Variants in RBM18 observed in about 807,000 individuals in gnomAD.
The protein encoded by RBM18 is probable RNA-binding protein 18.
In RBM18, 18 loss-of-function variants were observed where a neutral mutation model predicts 26.4. The ratio of observed to expected loss-of-function variants is 0.68; its 90% CI spans 0.47 to 1.01. The LOEUF is 1.01. Among genes scored for constraint, RBM18 ranks in the 50% least tolerant of loss-of-function variants. The pLI, the probability that RBM18 is intolerant of heterozygous loss-of-function variation, is 0.00. For synonymous variants in RBM18, 74 were observed against 81.1 expected, an observed-to-expected ratio of 0.91 and a Z score of 0.47; for missense variants, 180 against 219.2, an observed-to-expected ratio of 0.82 and a Z score of 1.13.
At position 122,261,454 on chromosome 9, in the gene RBM18, T is replaced by C. The variant is rs1252552951; in HGVS notation, c.39A>G (p.Ala13=). 2 of 1,614,062 alleles carry C rather than the reference T, an allele frequency of 1.2e-6. No homozygotes were observed. Among genetic ancestry groups the C allele is most frequent in the African/African-American group, 2.7e-5 (2 of 74,924 alleles). The change falls in exon 2 of 6, where the codon GCA becomes GCG. Residue 13 remains alanine, a synonymous_variant. Coordinates refer to ENST00000417201, the MANE Select transcript of RBM18 (RefSeq NM_033117.4). The stretch of plus-strand genomic sequence containing the variant: ...GCAGAGAGCCCTCTGAAAGGATGGA[T>C]GCATTCTCCAGGGGAAGAGTTTTGG... The part of the protein sequence containing the change: ...AETKTLPLEN[A]SILSEGSLQE...
At chr9:122,255,199 CT>C (rs1831671387) in intron 2 of RBM18, among the ~76,000 whole-genome samples, 1 of 152,024 alleles carries the variant, frequency 6.6e-6, no homozygotes, top group Non-Finnish European at 1.5e-5. Flanking sequence ...TGAGATGGGT[CT>C]TTATGTTTTA....
intron 2 of RBM18, 110 bp downstream of exon 2, chr9:122,261,270 T>C (rs1831789042): frequency 1.1e-5 from 8 of 725,484 alleles, no homozygotes; most frequent in Middle Eastern, 2.6e-4. Flanking sequence ...AGACACGATG[T>C]AAGTAAAAGG....
intron 1 of RBM18, chr9:122,264,511 G>C (rs553578989): frequency 1.6e-4 from 24 of 152,370 alleles, no homozygotes; most frequent in African/African-American, 5.5e-4. Flanking sequence ...GCAAGCGGTG[G>C]GGTCATGCCT....
At chr9:122,263,137 C>G (rs1430402067) in intron 1 of RBM18, among the ~76,000 whole-genome samples, 1 of 152,170 alleles carries the variant, frequency 6.6e-6, no homozygotes, top group African/African-American at 2.4e-5. Flanking sequence ...GCAGTCACAA[C>G]AACTGCCATT....
intron 2 of RBM18, among the ~76,000 whole-genome samples, chr9:122,257,684 T>C (rs998874727): frequency 1.3e-5 from 2 of 152,236 alleles, no homozygotes; most frequent in African/African-American, 4.8e-5. Context: ...AAAATTGTCA[T>C]TGTTTTACAT....
chr9:122,255,834 C>T (rs556376000), intron 2 of RBM18, among the ~76,000 whole-genome samples: 11 of 152,166 alleles, frequency 7.2e-5, no homozygotes, highest in East Asian at 1.9e-4. Context: ...AGTGAGACCT[C>T]GTCTCTACAA....
At chr9:122,262,881 A>C (rs1282145945) in intron 1 of RBM18, among the ~76,000 whole-genome samples, 1 of 152,178 alleles carries the variant, frequency 6.6e-6, no homozygotes, top group Admixed American at 6.5e-5. Flanking sequence ...CACCATGCCC[A>C]GCACAAACTG....
intron 1 of RBM18, among the ~76,000 whole-genome samples, chr9:122,262,552 A>G (rs1208143793): frequency 2.0e-5 from 3 of 151,984 alleles, no homozygotes; most frequent in Admixed American, 2.0e-4. Flanking sequence ...GTGTCAGAAG[A>G]CATTGTTTCA....
rs908702225 is a variant in RBM18 at position 122,262,653 on chromosome 9, G to T, written c.-16-1145C>A. Among the ~76,000 whole-genome samples the T allele has an allele frequency of 4.6e-5, 7 of 152,088 alleles. No homozygotes were observed. In the East Asian group the frequency reaches 1.4e-3, roughly 29 times the overall value. ...GACTCATGGGCGGTGGCACGATCTC[G>T]GCTCACTACAACTTCCACTTCCCGG... On this transcript the variant is annotated intron_variant, in intron 1 of 5. Coordinates refer to ENST00000417201, the MANE Select transcript of RBM18 (RefSeq NM_033117.4).
chr9:122,249,658 G>A (rs1446530859), intron 3 of RBM18, among the ~76,000 whole-genome samples: 1 of 151,662 alleles, frequency 6.6e-6, no homozygotes, highest in African/African-American at 2.4e-5. Context: ...GCACTAAGCT[G>A]TGATCGTGCC....
chr9:122,251,859 A>T lies in RBM18; in HGVS notation c.228T>A (p.Phe76Leu). The T allele has an allele frequency of 6.2e-7, 1 of 1,614,076 alleles. No homozygotes were observed. The highest frequency in any genetic ancestry group is 8.5e-7 in the Non-Finnish European group (1 of 1,179,932). ...AAAGCTTAATTACCTGCTTAGTTTC[A>T]AAGTTAACAAAACAGTAGCCTCGAG... ...GQPRGYCFVN[F>L]ETKQEAEQAI... Residue 76 changes from phenylalanine to leucine, a missense_variant, in exon 3 of 6, where the codon TTT (phenylalanine) becomes TTA (leucine). By Grantham distance (22) the Phe-to-Leu change is conservative. This residue lies in a region of RBM18 where 28 missense variants were observed against 59.9 expected (regional missense o/e 0.47). Transcript: ENST00000417201.
rs775103533 is a variant in RBM18 at position 122,241,839 on chromosome 9, GT to G, written c.*44del. 1.3e-6 allele frequency: 2 copies of G among 1,576,494 alleles called. No individual in the cohort carries two copies. The highest frequency in any genetic ancestry group is 2.7e-5 in the African/African-American group (2 of 73,774). On this transcript the variant is annotated 3_prime_UTR_variant, in exon 6 of 6. Transcript: ENST00000417201. ...AAAGTACACAGGCAGACGATTTTAGGTGTGGAGACCAATTTGCTTTTGCTGC... is the reference window on the plus strand; with the variant it reads ...AAAGTACACAGGCAGACGATTTTAGGGTGGAGACCAATTTGCTTTTGCTGC...
At chr9:122,246,602 A>G (rs1831509506) in intron 4 of RBM18, among the ~76,000 whole-genome samples, 1 of 152,230 alleles carries the variant, frequency 6.6e-6, no homozygotes, top group South Asian at 2.1e-4. Context: ...CTCTGTGATT[A>G]CCTGAAATAC....
intron 3 of RBM18, among the ~76,000 whole-genome samples, chr9:122,248,127 G>GGCA (rs1831536537): frequency 6.6e-6 from 1 of 152,046 alleles, no homozygotes. Context: ...TTCAAATCCT[G>GGCA]GTCTGCCATT....
intron 3 of RBM18, among the ~76,000 whole-genome samples, chr9:122,251,103 G>C (rs1214970186): frequency 1.3e-5 from 2 of 151,822 alleles, no homozygotes. Context: ...ATTTTTTTTA[G>C]AGACAGGGTC....
At chr9:122,243,779 C>T in intron 5 of RBM18, 1 of 985,304 alleles carries the variant, frequency 1.0e-6, no homozygotes, top group Non-Finnish European at 1.2e-6. Flanking sequence ...ATTAATGCCA[C>T]AGCTGGTCAC....
In RBM18 at chr9:122,261,232, A is replaced by G. The variant is rs1027307622; in HGVS notation, c.113+148T>C. ...CAAATGTAAAAAAAGTGACAAGATA[A>G]CAGGCTAACAACATCTTATCTCTCC... is the stretch of plus-strand genomic sequence containing the variant. On this transcript the variant is annotated intron_variant, in intron 2 of 5. Coordinates refer to ENST00000417201, the MANE Select transcript of RBM18 (RefSeq NM_033117.4). 9.6e-6 allele frequency: 6 copies of G among 625,426 alleles called. No individual in the cohort carries two copies. The Admixed American group carries it at 1.1e-4, about 12-fold the overall frequency. The allele number at this position is 625,426 out of a possible 1,614,324, so 38.7% of individuals were successfully genotyped here.
rs1205699620 is a variant in RBM18, at chr9:122,240,053, A to T, written c.*1831T>A. On this transcript the variant is annotated 3_prime_UTR_variant, in exon 6 of 6. Transcript: ENST00000417201. Reference sequence around the variant, plus strand: ...CACACAGAGGGATAAGAATCAGTACAAATAATAAACAGTGCTTTAAATACA... The same window carrying T: ...CACACAGAGGGATAAGAATCAGTACTAATAATAAACAGTGCTTTAAATACA... 6.6e-6 allele frequency: 1 copy of T among 152,254 alleles called. No homozygotes were observed. The highest frequency in any genetic ancestry group is 2.4e-5 in the African/African-American group (1 of 41,478). 9.4% of individuals were successfully genotyped at this position (152,254 alleles called of 1,614,324 possible).
intron 5 of RBM18, among the ~76,000 whole-genome samples, chr9:122,244,514 A>G (rs905525349): frequency 6.6e-6 from 1 of 152,224 alleles, no homozygotes; most frequent in African/African-American, 2.4e-5. Flanking sequence ...ACCTGGCTTT[A>G]AATCCTGAGT....
Sources: allele counts gnomAD v4.1 joint callset (sites outside exome capture counted in the v4.1 genomes callset), GRCh38; gene constraint gnomAD v4.1.1; regional missense constraint gnomAD v4.1.1; transcripts MANE v1.5; gene names NCBI Gene and HGNC (gene_info 2026-07-23, HGNC 2026-07-21).